The following TRPS1 variants were observed in gnomAD, a reference collection of about 807,000 sequenced individuals.
TRPS1 encodes transcriptional repressor GATA binding 1.
In TRPS1, 6 loss-of-function variants were observed where a neutral mutation model predicts 101.2. The ratio of observed to expected loss-of-function variants is 0.06; its 90% CI spans 0.03 to 0.12. TRPS1 has a LOEUF of 0.12. Ranked by LOEUF, TRPS1 falls within the 10% of genes least tolerant of loss-of-function variation. The probability of loss-of-function intolerance (pLI) is 1.00; values close to 1 mark genes in which losing one functional copy is unlikely to be tolerated. For missense variants in TRPS1, 1,363 were observed against 1,567.0 expected (o/e 0.87, Z 2.20); for synonymous variants, 578 against 589.8 (o/e 0.98, Z 0.29).
intron 5 of TRPS1, among the ~76,000 whole-genome samples, chr8:115,541,149 C>T (rs1047567589): frequency 9.2e-5 from 14 of 152,272 alleles, no homozygotes; most frequent in African/African-American, 2.4e-4. Context: ...GTAGCAGAAG[C>T]GAATGTATGT....
chr8:115,636,188 A>G (rs1204798010), intron 1 of TRPS1, among the ~76,000 whole-genome samples: 2 of 151,982 alleles, frequency 1.3e-5, no homozygotes, highest in African/African-American at 4.8e-5. Flanking sequence ...CATATAATTT[A>G]TTTTAAATTG....
chr8:115,504,788 A>G (rs889602475), intron 5 of TRPS1, among the ~76,000 whole-genome samples: 2 of 152,204 alleles, frequency 1.3e-5, no homozygotes, highest in African/African-American at 4.8e-5. Flanking sequence ...ACCTTTTACA[A>G]CAACGATTCA....
chr8:115,433,851 C>T (rs544990370), intron 5 of TRPS1, among the ~76,000 whole-genome samples: 97 of 152,154 alleles, frequency 6.4e-4, no homozygotes, highest in South Asian at 1.0e-3. Flanking sequence ...AGGCATTTGC[C>T]GGGGAAAAAT....
intron 5 of TRPS1, among the ~76,000 whole-genome samples, chr8:115,579,123 T>C (rs1817386144): frequency 6.6e-6 from 1 of 152,218 alleles, no homozygotes; most frequent in Non-Finnish European, 1.5e-5. Context: ...AGAGTTCTGG[T>C]GAGGATGAAA....
chr8:115,585,862 C>T (rs77319374), intron 5 of TRPS1, among the ~76,000 whole-genome samples: 6 of 152,264 alleles, frequency 3.9e-5, no homozygotes, highest in Non-Finnish European at 5.9e-5. Flanking sequence ...GGAAAGCTAA[C>T]AGCTTCTATA....
chr8:115,469,719 G>A (rs1814417784), intron 5 of TRPS1, among the ~76,000 whole-genome samples: 1 of 152,082 alleles, frequency 6.6e-6, no homozygotes, highest in South Asian at 2.1e-4. Context: ...AGTAGAGACG[G>A]GGTTTCACCA....
At chr8:115,487,656 C>T (rs938105338) in intron 5 of TRPS1, among the ~76,000 whole-genome samples, 17 of 152,082 alleles carry the variant, frequency 1.1e-4, no homozygotes, top group African/African-American at 2.9e-4. Flanking sequence ...TAAGACTTCA[C>T]GTGGAGTAAG....
chr8:115,642,984 A>G (rs1463501691), intron 1 of TRPS1, among the ~76,000 whole-genome samples: 1 of 152,038 alleles, frequency 6.6e-6, no homozygotes, highest in African/African-American at 2.4e-5. Flanking sequence ...GCAAGTCACA[A>G]GAATATTTTG....
intron 1 of TRPS1, among the ~76,000 whole-genome samples, chr8:115,634,154 T>C (rs984609578): frequency 6.6e-6 from 1 of 152,216 alleles, no homozygotes; most frequent in African/African-American, 2.4e-5. Flanking sequence ...TTATTGCACA[T>C]AATTTGCCCC....
chr8:115,501,627 G>A (rs1409165238), intron 5 of TRPS1, among the ~76,000 whole-genome samples: 1 of 152,100 alleles, frequency 6.6e-6, no homozygotes, highest in Non-Finnish European at 1.5e-5. Flanking sequence ...ACTATACAGA[G>A]TCCTCTAACC....
Position 115,432,519 on chromosome 8 carries a change from T to A in TRPS1, c.2701-14067A>T, listed in dbSNP as rs142351260. Among the ~76,000 whole-genome samples, 873 of 152,038 alleles carry A rather than the reference T, an allele frequency of 5.7e-3. 25 individuals carry two copies. In the East Asian group the frequency reaches 0.08, roughly 14 times the overall value. ...TTTGTATTTTTTTAAATTTATTTTT[T>A]AAATGCATTCCAAATGAAAGCAGTA... is the stretch of plus-strand genomic sequence containing the variant. On this transcript the variant is annotated intron_variant, in intron 5 of 6. Transcript: ENST00000395715.
At chr8:115,486,364 T>C (rs1814880051) in intron 5 of TRPS1, among the ~76,000 whole-genome samples, 1 of 152,122 alleles carries the variant, frequency 6.6e-6, no homozygotes, top group Non-Finnish European at 1.5e-5. Flanking sequence ...CCCTAATCCC[T>C]GAGATATGAC....
intron 4 of TRPS1, among the ~76,000 whole-genome samples, chr8:115,597,145 C>A (rs2130472090): frequency 6.6e-6 from 1 of 152,042 alleles, no homozygotes; most frequent in Admixed American, 6.5e-5. Context: ...CGTTTCCTAG[C>A]AAACCTATGA....
chr8:115,562,925 T>TGG (rs1554588393), intron 5 of TRPS1, among the ~76,000 whole-genome samples: 2 of 141,834 alleles, frequency 1.4e-5, no homozygotes, highest in Non-Finnish European at 3.1e-5. Flanking sequence ...TGTGTGTGTG[T>TGG]GGTGTTCCTC....
intron 5 of TRPS1, among the ~76,000 whole-genome samples, chr8:115,446,744 T>C (rs1382376312): frequency 1.3e-5 from 2 of 152,260 alleles, no homozygotes; most frequent in East Asian, 1.9e-4. Context: ...AGAAAAGTTA[T>C]GGGGATTACA....
chr8:115,542,407 A>C (rs1816474606), intron 5 of TRPS1, among the ~76,000 whole-genome samples: 1 of 152,166 alleles, frequency 6.6e-6, no homozygotes, highest in South Asian at 2.1e-4. Context: ...TCCTGATTAG[A>C]CACATTAGAT....
intron 5 of TRPS1, among the ~76,000 whole-genome samples, chr8:115,419,956 G>T (rs1056713061): frequency 6.6e-6 from 1 of 152,294 alleles, no homozygotes; most frequent in Middle Eastern, 3.4e-3. Flanking sequence ...CTGGTAAGCT[G>T]CACAGCCATA....
intron 5 of TRPS1, among the ~76,000 whole-genome samples, chr8:115,441,100 TG>T (rs1265863233): frequency 6.6e-6 from 1 of 152,232 alleles, no homozygotes; most frequent in Non-Finnish European, 1.5e-5. Flanking sequence ...ATTCAAGATT[TG>T]TTTTAATTAG....
At chr8:115,651,793 G>A (rs1171790930) in intron 1 of TRPS1, among the ~76,000 whole-genome samples, 1 of 152,198 alleles carries the variant, frequency 6.6e-6, no homozygotes, top group African/African-American at 2.4e-5. Context: ...ATTTCATAAG[G>A]AGGGAAGAAT....
Sources: gnomAD v4.1 joint callset for allele counts (sites outside exome capture counted in the v4.1 genomes callset) on GRCh38, gnomAD v4.1.1 for gene constraint, MANE v1.5 for transcripts, NCBI Gene and HGNC (gene_info 2026-07-23, HGNC 2026-07-21) for gene names.